The following FBXO41 variants were observed in gnomAD, a reference collection of about 807,000 sequenced individuals.
FBXO41 encodes the protein F-box protein 41.
A neutral mutation model predicts 81.6 loss-of-function variants in FBXO41; 33 were observed. The observed-to-expected ratio is 0.40, with a 90% CI of 0.31 to 0.54. The LOEUF is 0.54. Among genes scored for constraint, FBXO41 ranks in the 20% least tolerant of loss-of-function variants. The pLI is 0.39. For missense variants in FBXO41, 1,107 were observed against 1,236.0 expected, an observed-to-expected ratio of 0.90 and a Z score of 1.56; for synonymous variants, 576 against 552.7, an observed-to-expected ratio of 1.04 and a Z score of -0.59.
At position 73,263,226 on chromosome 2, in the gene FBXO41, G is replaced by T; in HGVS notation, c.2158C>A (p.Pro720Thr). 6.4e-7 allele frequency: 1 copy of T among 1,555,934 alleles called. No individual in the cohort carries two copies. The stretch of plus-strand genomic sequence containing the variant: ...GCCAGGGCTCACCAGGGGTGAAGTG[G>T]TGCCACTTGGAGGGAGACGATCTCT... ...CREIVSLQVA[P>T]LHPCQQPTRF... Residue 720 changes from proline to threonine, a missense_variant, in exon 9 of 13, where the codon CCA becomes ACA. This residue lies in a region of FBXO41 where 336 missense variants were observed against 446.7 expected (regional missense o/e 0.75). Transcript: ENST00000520530.
chr2:73,268,925 G>C lies in FBXO41; in HGVS notation c.706C>G (p.Arg236Gly). ...TTGCGCTCCAGCTCGGCCTGCAGCCGGCCCACCTGGCCCGCGATCTTCTGC... is the reference window on the plus strand; with the variant it reads ...TTGCGCTCCAGCTCGGCCTGCAGCCCGCCCACCTGGCCCGCGATCTTCTGC... ...VEQKIAGQVG[R>G]LQAELERKAA... Residue 236 changes from arginine to glycine, a missense_variant, in exon 2 of 13, where the codon CGG (arginine) becomes GGG (glycine). Physicochemically the swap from Arg to Gly is moderately radical, Grantham distance 125 (BLOSUM62 -2). Coordinates refer to ENST00000520530, the MANE Select transcript of FBXO41 (RefSeq NM_001371389.2). The C allele has an allele frequency of 1.3e-6, 2 of 1,540,610 alleles. No individual in the cohort carries two copies. Among genetic ancestry groups the C allele is most frequent in the Non-Finnish European group, 1.7e-6 (2 of 1,146,272 alleles).
In FBXO41 at chr2:73,265,312, C is replaced by G. The variant is rs1418826367; in HGVS notation, c.1534G>C (p.Ala512Pro). ...LDAPRPGPAMAGPLSSCRLSA... is the reference protein window; with the variant it reads ...LDAPRPGPAMPGPLSSCRLSA... ...AGCCGGCAGCTGCTCAATGGCCCAGCCATAGCAGGCCCGGGGCGGGGCGCA... is the reference window on the plus strand; with the variant it reads ...AGCCGGCAGCTGCTCAATGGCCCAGGCATAGCAGGCCCGGGGCGGGGCGCA... The change falls in exon 5 of 13, where the codon GCT (alanine) becomes CCT (proline). Residue 512 changes from alanine to proline, a missense_variant. Coordinates refer to ENST00000520530, the MANE Select transcript of FBXO41 (RefSeq NM_001371389.2). The G allele has an allele frequency of 6.2e-7, 1 of 1,610,110 alleles. No homozygotes were observed. The highest frequency in any genetic ancestry group is 1.7e-5 in the Admixed American group (1 of 59,958).
rs1687923760 is a variant in FBXO41, at chr2:73,259,263, T to C, written c.2483A>G (p.Gln828Arg). The C allele has an allele frequency of 6.2e-7, 1 of 1,614,042 alleles. No individual in the cohort carries two copies. Among genetic ancestry groups the C allele is most frequent in the African/African-American group, 1.3e-5 (1 of 75,058 alleles). Residue 828 changes from glutamine (Q) to arginine (R), a missense_variant, in exon 12 of 13, where the codon CAG (glutamine) becomes CGG (arginine). Transcript: ENST00000520530. This position sits in a 1 kb window ranked among gnomAD's most constrained non-coding sequence, Gnocchi z 4.2. ...TTTGAAATAATCCGCAATCCCAATC[T>C]GGACCACAATGGACTTGAGGTTCCG... ...ICRNLKSIVV[Q>R]IGIADYFKEP...
At chr2:73,278,635 C>T (rs904703546) in intron 1 of FBXO41, among the ~76,000 whole-genome samples, 6 of 152,170 alleles carry the variant, frequency 3.9e-5, no homozygotes, top group East Asian at 1.9e-4. Flanking sequence ...GAGGCAGGCA[C>T]GGGATTCTAC....
In FBXO41 at chr2:73,266,576, G is replaced by C. The variant is rs747946188; in HGVS notation, c.1012C>G (p.Arg338Gly). Residue 338 changes from arginine (R) to glycine (G), a missense_variant, in exon 3 of 13, where the codon CGT (arginine) becomes GGT (glycine). Physicochemically the swap from Arg to Gly is moderately radical, Grantham distance 125 (BLOSUM62 -2). Coordinates refer to ENST00000520530, the MANE Select transcript of FBXO41 (RefSeq NM_001371389.2). This position sits in a 1 kb window ranked among gnomAD's most constrained non-coding sequence, Gnocchi z 5.3. ...FIEELLERAD[R>G]AERQLQVISS... ...ATGACCTGCAGCTGCCGCTCGGCACGGTCAGCCCGCTCAAGGAGCTCCTCA... is the reference window on the plus strand; with the variant it reads ...ATGACCTGCAGCTGCCGCTCGGCACCGTCAGCCCGCTCAAGGAGCTCCTCA... 4 of 1,611,120 alleles carry C rather than the reference G, an allele frequency of 2.5e-6. No individual in the cohort carries two copies. Among genetic ancestry groups the C allele is most frequent in the Non-Finnish European group, 3.4e-6 (4 of 1,179,136 alleles).
At chr2:73,264,093 T>C in intron 6 of FBXO41, 40 bp from the exon 7 acceptor site, 4 of 1,560,840 alleles carry the variant, frequency 2.6e-6, no homozygotes, top group Non-Finnish European at 3.5e-6. Context: ...TGAAGGGGTC[T>C]GAACTTGGTT....
chr2:73,255,577 C>T lies in FBXO41; in HGVS notation c.*3405G>A, dbSNP rs912874492. ...CTTCTCTGGGCATTTGGGCCTTACA[C>T]CCACTCACCATCTCCTGTTTTTACC... is the stretch of plus-strand genomic sequence containing the variant. On this transcript the variant is annotated 3_prime_UTR_variant, in exon 13 of 13. Coordinates refer to ENST00000520530, the MANE Select transcript of FBXO41 (RefSeq NM_001371389.2). 3.9e-5 allele frequency: 6 copies of T among 152,632 alleles called. No homozygotes were observed. The highest frequency in any genetic ancestry group is 1.5e-5 in the Non-Finnish European group (1 of 68,052). 9.5% of individuals were successfully genotyped at this position (152,632 alleles called of 1,614,324 possible).
In FBXO41 at chr2:73,269,871, G is replaced by A. The variant is rs1355434387; in HGVS notation, c.-138-103C>T. ...CCAGCCATGAGGAAATCAGCATTGA[G>A]GGGCAAGGGGAGACCTCCCAGAGGA... On this transcript the variant is annotated intron_variant, in intron 1 of 12. Coordinates refer to ENST00000520530, the MANE Select transcript of FBXO41 (RefSeq NM_001371389.2). This position sits in a 1 kb window ranked among gnomAD's most constrained non-coding sequence, Gnocchi z 7.0. 1 of 192,168 alleles carries A rather than the reference G, an allele frequency of 5.2e-6. No homozygotes were observed. Among genetic ancestry groups the A allele is most frequent in the Non-Finnish European group, 1.0e-5 (1 of 95,598 alleles). 11.9% of individuals were successfully genotyped at this position (192,168 alleles called of 1,614,324 possible). A position where few individuals can be genotyped will look rare whatever the true frequency, so the allele number is the denominator to read the frequency against.
intron 1 of FBXO41, among the ~76,000 whole-genome samples, chr2:73,278,360 C>T (rs1688753022): frequency 6.6e-6 from 1 of 152,230 alleles, no homozygotes; most frequent in Non-Finnish European, 1.5e-5. Context: ...GAATTTCTGT[C>T]CCTTGCAATC....
At chr2:73,262,944 C>G (rs539707477) in intron 9 of FBXO41, among the ~76,000 whole-genome samples, 1 of 152,276 alleles carries the variant, frequency 6.6e-6, no homozygotes, top group South Asian at 2.1e-4. Flanking sequence ...AGGGTGTCTC[C>G]ATGTTGGTCA....
At chr2:73,282,125 G>A (rs1688865634) in intron 1 of FBXO41, among the ~76,000 whole-genome samples, 1 of 152,136 alleles carries the variant, frequency 6.6e-6, no homozygotes, top group African/African-American at 2.4e-5. Context: ...CTCCTAAGTA[G>A]CTGGGATTAC....
At chr2:73,265,250 T>C (rs1292303551) in intron 5 of FBXO41, 32 bp downstream of exon 5, 1 of 1,555,008 alleles carries the variant, frequency 6.4e-7, no homozygotes, top group Non-Finnish European at 8.7e-7. Context: ...GCCTCAGACC[T>C]GTGTCCCCCT....
Position 73,266,025 on chromosome 2 carries a change from AG to A in FBXO41, c.1132-60del. 6.9e-7 allele frequency: 1 copy of A among 1,459,262 alleles called. No individual in the cohort carries two copies. The highest frequency in any genetic ancestry group is 9.4e-7 in the Non-Finnish European group (1 of 1,065,038). The allele number at this position is 1,459,262 out of a possible 1,614,324, so 90.4% of individuals were successfully genotyped here. On this transcript the variant is annotated intron_variant, in intron 3 of 12. Coordinates refer to ENST00000520530, the MANE Select transcript of FBXO41 (RefSeq NM_001371389.2). The surrounding 1 kb of genome is among the most constrained non-coding windows in gnomAD (Gnocchi z 5.3). Reference sequence around the variant, plus strand: ...GGGCGGAGGAGGCAAGAGGATGAGCAGGAATAGCAGGGGAAACAGGGCAAAA... The same window carrying A: ...GGGCGGAGGAGGCAAGAGGATGAGCAGAATAGCAGGGGAAACAGGGCAAAA...
At chr2:73,265,763 G>T (rs923884616) in intron 4 of FBXO41, 123 bp from the exon 5 acceptor site, 26 of 1,426,102 alleles carry the variant, frequency 1.8e-5, no homozygotes, top group Admixed American at 4.6e-5. Context: ...GCCCCCTCTG[G>T]GTGTGGAAAG....
At chr2:73,271,059 G>C (rs1574387947) in intron 1 of FBXO41, 1 of 404,604 alleles carries the variant, frequency 2.5e-6, no homozygotes, top group East Asian at 7.2e-5. Context: ...CTCATTCCCT[G>C]AGGTCTGCCT....
chr2:73,278,002 T>C (rs1373962181), intron 1 of FBXO41, among the ~76,000 whole-genome samples: 3 of 152,228 alleles, frequency 2.0e-5, no homozygotes, highest in Admixed American at 1.3e-4. Flanking sequence ...AATCACAGTA[T>C]TTCTATCTTC....
Position 73,266,686 on chromosome 2 carries a change from G to A in FBXO41, c.906-4C>T, listed in dbSNP as rs1688292499. 6.4e-7 allele frequency: 1 copy of A among 1,567,012 alleles called. No individual in the cohort carries two copies. The highest frequency in any genetic ancestry group is 8.7e-7 in the Non-Finnish European group (1 of 1,155,828). On this transcript the variant is annotated splice_polypyrimidine_tract_variant and splice_region_variant and intron_variant, in intron 2 of 12. Transcript: ENST00000520530. The surrounding 1 kb of genome is among the most constrained non-coding windows in gnomAD (Gnocchi z 5.3). ...CTGGTCGATCTGCACCACCTCCCTG[G>A]GCCCAGAGCAGTCTCTTACCCCAGA... is the stretch of plus-strand genomic sequence containing the variant.
At position 73,257,454 on chromosome 2, in the gene FBXO41, A is replaced by C. The variant is rs1401875885; in HGVS notation, c.*1528T>G. On this transcript the variant is annotated 3_prime_UTR_variant, in exon 13 of 13. Coordinates refer to ENST00000520530, the MANE Select transcript of FBXO41 (RefSeq NM_001371389.2). This position sits in a 1 kb window ranked among gnomAD's most constrained non-coding sequence, Gnocchi z 4.6. ...GGGGGAGGGTCTTCATGTCCAAGCC[A>C]GGTTGTGTTAGGAAGTTGGGTCCCT... 3.3e-5 allele frequency: 5 copies of C among 152,066 alleles called. No individual in the cohort carries two copies. The East Asian group carries it at 9.7e-4, about 29-fold the overall frequency. The allele number at this position is 152,066 out of a possible 1,614,324, so 9.4% of individuals were successfully genotyped here. A position where few individuals can be genotyped will look rare whatever the true frequency, so the allele number is the denominator to read the frequency against.
chr2:73,269,460 G>GGCGGCC lies in FBXO41; in HGVS notation c.165_170dup (p.Ala60_Ala61dup), dbSNP rs912254265. On this transcript the variant is annotated inframe_insertion, in exon 2 of 13. Transcript: ENST00000520530. The surrounding 1 kb of genome is among the most constrained non-coding windows in gnomAD (Gnocchi z 7.0). ...GCGGGAACCCCGAGGCAGCGGCGGCGGCGGCCGCGGCGGCGGCGGCGCCGT... is the reference window on the plus strand; with the variant it reads ...GCGGGAACCCCGAGGCAGCGGCGGCGGCGGCCGCGGCCGCGGCGGCGGCGGCGCCGT... 17 of 1,258,612 alleles carry GGCGGCC rather than the reference G, an allele frequency of 1.4e-5. No homozygotes were observed. The East Asian group carries it at 1.4e-4, about 11-fold the overall frequency. 78.0% of individuals were successfully genotyped at this position (1,258,612 alleles called of 1,614,324 possible). A position where few individuals can be genotyped will look rare whatever the true frequency, so the allele number is the denominator to read the frequency against.
Sources: gnomAD v4.1 joint callset for allele counts (sites outside exome capture counted in the v4.1 genomes callset) on GRCh38, gnomAD v4.1.1 for gene constraint, gnomAD v4.1.1 regional missense constraint, Gnocchi (gnomAD v3.1) non-coding constraint, MANE v1.5 for transcripts, NCBI Gene and HGNC (gene_info 2026-07-23, HGNC 2026-07-21) for gene names.